The following MIPEP variants were observed in gnomAD, a reference collection of about 807,000 sequenced individuals.
MIPEP encodes the protein mitochondrial intermediate peptidase.
Under a neutral mutation model 90.3 loss-of-function variants are expected in MIPEP, and 79 were observed. The ratio of observed to expected loss-of-function variants is 0.87; its 90% CI spans 0.73 to 1.05. The LOEUF is 1.05. Among genes scored for constraint, MIPEP ranks in the 50% least tolerant of loss-of-function variants. MIPEP has a pLI of 0.00. For synonymous variants in MIPEP, 334 were observed against 315.8 expected, an observed-to-expected ratio of 1.06 and a Z score of -0.61; for missense variants, 940 against 905.6, an observed-to-expected ratio of 1.04 and a Z score of -0.49.
In MIPEP at chr13:23,779,799, G is replaced by A. The variant is rs143723049; in HGVS notation, c.1849-19582C>T. ...CCAACGGTCTTAGCAAACGGCACAC[G>A]AGGAGATTATATCCCGCGCCTGGCT... is the stretch of plus-strand genomic sequence containing the variant. On this transcript the variant is annotated intron_variant, in intron 16 of 18. Transcript: ENST00000382172. 2.8e-3 allele frequency among the ~76,000 whole-genome samples: 421 copies of A among 152,300 alleles called. 4 individuals are homozygous for A. Among genetic ancestry groups the A allele is most frequent in the African/African-American group, 9.8e-3 (407 of 41,570 alleles).
At chr13:23,766,892 C>T (rs1450151859) in intron 16 of MIPEP, among the ~76,000 whole-genome samples, 1 of 152,232 alleles carries the variant, frequency 6.6e-6, no homozygotes, top group Non-Finnish European at 1.5e-5. Context: ...TTCCGGATGT[C>T]ACTCCTGTGA....
intron 16 of MIPEP, among the ~76,000 whole-genome samples, chr13:23,781,437 A>C (rs1952781156): frequency 6.6e-6 from 1 of 152,236 alleles, no homozygotes; most frequent in African/African-American, 2.4e-5. Context: ...CTTGCCCTAC[A>C]AGAGCTCCCA....
At chr13:23,872,298 C>A (rs893332975) in intron 5 of MIPEP, among the ~76,000 whole-genome samples, 1 of 152,044 alleles carries the variant, frequency 6.6e-6, no homozygotes. Flanking sequence ...CCCGTCTCTA[C>A]CAAAAATACA....
At chr13:23,853,436 C>G (rs1345540279) in intron 10 of MIPEP, among the ~76,000 whole-genome samples, 1 of 152,120 alleles carries the variant, frequency 6.6e-6, no homozygotes, top group Non-Finnish European at 1.5e-5. Context: ...TGGTAACATT[C>G]TGTGCAGGTT....
intron 15 of MIPEP, among the ~76,000 whole-genome samples, chr13:23,806,964 G>A (rs540653214): frequency 2.0e-5 from 3 of 152,100 alleles, no homozygotes; most frequent in Admixed American, 1.3e-4. Context: ...GCAGCATCTC[G>A]TGAGTATAGA....
chr13:23,865,597 C>T (rs1258213124), intron 7 of MIPEP, among the ~76,000 whole-genome samples: 1 of 152,068 alleles, frequency 6.6e-6, no homozygotes, highest in East Asian at 1.9e-4. Context: ...CGTTTTATTT[C>T]TTAATAACCG....
At chr13:23,773,429 T>A (rs1362998127) in intron 16 of MIPEP, among the ~76,000 whole-genome samples, 1 of 152,192 alleles carries the variant, frequency 6.6e-6, no homozygotes, top group Non-Finnish European at 1.5e-5. Flanking sequence ...GTGCATACAT[T>A]TTTGGGTGGG....
intron 18 of MIPEP, among the ~76,000 whole-genome samples, chr13:23,746,977 A>AC: frequency 6.6e-6 from 1 of 152,202 alleles, no homozygotes; most frequent in African/African-American, 2.4e-5. Context: ...AGCACTACCC[A>AC]CCAAAAGTAA....
At chr13:23,777,069 G>A (rs543703090) in intron 16 of MIPEP, among the ~76,000 whole-genome samples, 2 of 152,286 alleles carry the variant, frequency 1.3e-5, no homozygotes, top group East Asian at 3.9e-4. Flanking sequence ...TGCTACTAAA[G>A]TAAAAAGAGA....
In MIPEP at chr13:23,874,901, G is replaced by A; in HGVS notation, c.548C>T (p.Ala183Val). Residue 183 changes from alanine to valine, a missense_variant, in exon 5 of 19, where the codon GCT becomes GTT. Ala to Val is a moderately conservative substitution (Grantham distance 64). Transcript: ENST00000382172. ...TTCAAAATCAAACATAAACAGTTCA[G>A]CCACTCGCCTATAAATGAAATGAGC... ...DSLDPETRRV[A>V]ELFMFDFEIS... 6.3e-7 allele frequency: 1 copy of A among 1,599,456 alleles called. No homozygotes were observed. Among genetic ancestry groups the A allele is most frequent in the African/African-American group, 1.4e-5 (1 of 74,030 alleles).
At chr13:23,881,814 A>C (rs749865811) in intron 2 of MIPEP, 27 bp from the exon 3 acceptor site, 30 of 1,555,468 alleles carry the variant, frequency 1.9e-5, no homozygotes, top group Non-Finnish European at 6.2e-6. Flanking sequence ...ACAAAACCAA[A>C]AGGGAATTTG....
At position 23,884,077 on chromosome 13, in the gene MIPEP, G is replaced by GA. The variant is rs1017572507; in HGVS notation, c.363+2255dup. Among the ~76,000 whole-genome samples the GA allele has an allele frequency of 6.7e-4, 101 of 151,832 alleles. 1 individual carries two copies. The highest frequency in any genetic ancestry group is 2.2e-3 in the African/African-American group (92 of 41,426). ...GGTGGAAGGAAATTTTCCAAAAAAG[G>GA]AAAAAAAATAAAGATGGGGATGAGT... On this transcript the variant is annotated intron_variant, in intron 2 of 18. Transcript: ENST00000382172.
rs374595702 is a variant in MIPEP at position 23,834,491 on chromosome 13, A to G, written c.1653+1749T>C. ...CCCTAGGAATTAAAGACCGCGGGCAATGGGATGTTGCCTGACTTATTCTTG... is the reference window on the plus strand; with the variant it reads ...CCCTAGGAATTAAAGACCGCGGGCAGTGGGATGTTGCCTGACTTATTCTTG... On this transcript the variant is annotated intron_variant, in intron 14 of 18. Coordinates refer to ENST00000382172, the MANE Select transcript of MIPEP (RefSeq NM_005932.4). Among the ~76,000 whole-genome samples the G allele has an allele frequency of 3.3e-5, 5 of 152,324 alleles. No individual in the cohort carries two copies. The East Asian group carries it at 5.8e-4, about 18-fold the overall frequency.
At chr13:23,739,247 G>C (rs1372879222) in intron 18 of MIPEP, among the ~76,000 whole-genome samples, 4 of 152,236 alleles carry the variant, frequency 2.6e-5, no homozygotes, top group Non-Finnish European at 4.4e-5. Flanking sequence ...TGGGGACGGA[G>C]AAAGGGACGT....
At chr13:23,747,891 C>A (rs994749659) in intron 18 of MIPEP, among the ~76,000 whole-genome samples, 4 of 152,204 alleles carry the variant, frequency 2.6e-5, no homozygotes, top group African/African-American at 4.8e-5. Context: ...CCGGCGTATG[C>A]CACCATGCCC....
chr13:23,735,984 TA>T lies in MIPEP; in HGVS notation c.2045-5540del, dbSNP rs1363056060. Among the ~76,000 whole-genome samples the T allele has an allele frequency of 3.3e-5, 5 of 152,302 alleles. No individual in the cohort carries two copies. The South Asian group carries it at 6.2e-4, about 19-fold the overall frequency. ...ATTTGGATTTTGTATATGGCCATAG[TA>T]AAAAAATTCCAAGAAAGCTTTGGTT... On this transcript the variant is annotated intron_variant, in intron 18 of 18. Transcript: ENST00000382172.
intron 14 of MIPEP, among the ~76,000 whole-genome samples, chr13:23,830,744 T>C (rs1389129409): frequency 1.3e-5 from 2 of 152,204 alleles, no homozygotes; most frequent in Non-Finnish European, 2.9e-5. Flanking sequence ...TTGAGTTTCA[T>C]TTTTCTAGTC....
intron 14 of MIPEP, among the ~76,000 whole-genome samples, chr13:23,811,188 A>G (rs1475391510): frequency 6.6e-6 from 1 of 152,206 alleles, no homozygotes; most frequent in Admixed American, 6.5e-5. Context: ...ATCATATTTT[A>G]TATTGTTGAC....
chr13:23,836,358 A>AG lies in MIPEP; in HGVS notation c.1544-10dup. The AG allele has an allele frequency of 1.3e-6, 2 of 1,529,074 alleles. No homozygotes were observed. The highest frequency in any genetic ancestry group is 1.8e-6 in the Non-Finnish European group (2 of 1,137,208). 94.7% of individuals were successfully genotyped at this position (1,529,074 alleles called of 1,614,324 possible). ...AGTAGGGCACCTGGTCCCTAAAACAAGAAAAAAAAAAAAGTTGGCATGAAT... is the reference window on the plus strand; with the variant it reads ...AGTAGGGCACCTGGTCCCTAAAACAAGGAAAAAAAAAAAAGTTGGCATGAAT... On this transcript the variant is annotated splice_polypyrimidine_tract_variant and intron_variant, in intron 13 of 18. Coordinates refer to ENST00000382172, the MANE Select transcript of MIPEP (RefSeq NM_005932.4).
Sources: gnomAD v4.1 joint callset for allele counts (sites outside exome capture counted in the v4.1 genomes callset) on GRCh38, gnomAD v4.1.1 for gene constraint, MANE v1.5 for transcripts, NCBI Gene and HGNC (gene_info 2026-07-23, HGNC 2026-07-21) for gene names.